PDE3A: variants seen among roughly 807,000 people sequenced by gnomAD.
PDE3A encodes the protein phosphodiesterase 3A, also known as cGMP-inhibited 3',5'-cyclic phosphodiesterase 3A.
Under a neutral mutation model 98.3 loss-of-function variants are expected in PDE3A, and 43 were observed. The ratio of observed to expected loss-of-function variants is 0.44; its 90% CI spans 0.34 to 0.56. The LOEUF is 0.56. PDE3A is among the 20% of genes least tolerant of loss of function. PDE3A has a pLI of 0.01. For synonymous variants in PDE3A, 663 were observed against 567.9 expected (o/e 1.17, Z -2.38); for missense variants, 1,427 against 1,440.7 (o/e 0.99, Z 0.15).
At chr12:20,429,992 C>G (rs1253369570) in intron 1 of PDE3A, among the ~76,000 whole-genome samples, 1 of 152,050 alleles carries the variant, frequency 6.6e-6, no homozygotes, top group Non-Finnish European at 1.5e-5. Context: ...TGTATGTTTT[C>G]AAAATAACCT....
intron 1 of PDE3A, among the ~76,000 whole-genome samples, chr12:20,554,729 G>A (rs1451885123): frequency 6.6e-6 from 1 of 151,828 alleles, no homozygotes; most frequent in African/African-American, 2.4e-5. Flanking sequence ...TGGGATTATA[G>A]GCGTGCCCCA....
chr12:20,668,319 A>T (rs868027044), intron 15 of PDE3A, among the ~76,000 whole-genome samples: 4 of 150,720 alleles, frequency 2.7e-5, no homozygotes, highest in African/African-American at 2.4e-5. Flanking sequence ...CAAAGCAGCC[A>T]GGAAGCTCGA....
intron 1 of PDE3A, among the ~76,000 whole-genome samples, chr12:20,434,574 A>G (rs1944750121): frequency 1.3e-5 from 2 of 152,170 alleles, no homozygotes; most frequent in African/African-American, 4.8e-5. Context: ...GAGAGGGAGT[A>G]TAGTGTAGTG....
In PDE3A at chr12:20,680,205, G is replaced by A. The variant is rs1945741397; in HGVS notation, c.3360G>A (p.Lys1120=). The change falls in exon 16 of 16, where the codon AAG becomes AAA. Residue 1120 remains lysine, a synonymous_variant. Transcript: ENST00000359062. ...CTTCAGAACAGATCCAGGCTATCAA[G>A]GAAGAAGAAGAAGAGAAAGGGAAAC... ...SHSSEQIQAI[K]EEEEEKGKPR... 6.2e-7 allele frequency: 1 copy of A among 1,613,572 alleles called. No individual in the cohort carries two copies. The highest frequency in any genetic ancestry group is 8.5e-7 in the Non-Finnish European group (1 of 1,179,680).
At chr12:20,447,674 A>T (rs1944980230) in intron 1 of PDE3A, among the ~76,000 whole-genome samples, 1 of 152,222 alleles carries the variant, frequency 6.6e-6, no homozygotes, top group African/African-American at 2.4e-5. Flanking sequence ...CTGGCTGTTC[A>T]TTCATATGCT....
At chr12:20,548,963 C>A (rs1266729859) in intron 1 of PDE3A, among the ~76,000 whole-genome samples, 1 of 151,774 alleles carries the variant, frequency 6.6e-6, no homozygotes, top group African/African-American at 2.4e-5. Context: ...TTGTGAATAA[C>A]CATTTTTTTT....
intron 1 of PDE3A, among the ~76,000 whole-genome samples, chr12:20,433,875 T>C (rs928792680): frequency 3.3e-5 from 5 of 152,020 alleles, no homozygotes; most frequent in African/African-American, 7.3e-5. Context: ...CATGTGTAGA[T>C]AGAATTCCTA....
At chr12:20,641,679 G>T (rs1175623844) in intron 10 of PDE3A, among the ~76,000 whole-genome samples, 7 of 152,146 alleles carry the variant, frequency 4.6e-5, no homozygotes, top group Admixed American at 6.6e-5. Context: ...ATAGTTGAAA[G>T]ATGGCAAATG....
At chr12:20,576,139 A>T (rs1942927641) in intron 2 of PDE3A, among the ~76,000 whole-genome samples, 2 of 152,052 alleles carry the variant, frequency 1.3e-5, no homozygotes, top group Admixed American at 6.6e-5. Flanking sequence ...CCTTTGAGTT[A>T]AAAATAATCC....
chr12:20,479,713 T>A (rs1374825567), intron 1 of PDE3A, among the ~76,000 whole-genome samples: 1 of 152,208 alleles, frequency 6.6e-6, no homozygotes, highest in Admixed American at 6.5e-5. Context: ...GATATTACAC[T>A]GAGGACACTT....
At chr12:20,505,605 G>A (rs1179724989) in intron 1 of PDE3A, among the ~76,000 whole-genome samples, 1 of 152,064 alleles carries the variant, frequency 6.6e-6, no homozygotes, top group Non-Finnish European at 1.5e-5. Flanking sequence ...TGCCTCAAAT[G>A]TTAAGCTTTC....
chr12:20,371,464 T>C, intron 1 of PDE3A: 2 of 981,380 alleles, frequency 2.0e-6, no homozygotes, highest in Non-Finnish European at 2.4e-6. Context: ...CAAGAGAATA[T>C]CCTAAGATAA....
chr12:20,421,280 G>A (rs142431180), intron 1 of PDE3A, among the ~76,000 whole-genome samples: 41 of 151,954 alleles, frequency 2.7e-4, no homozygotes, highest in East Asian at 9.7e-4. Context: ...ATTTGCCATC[G>A]TATAAATAAA....
At chr12:20,449,415 AT>A (rs1370255721) in intron 1 of PDE3A, among the ~76,000 whole-genome samples, 7 of 152,066 alleles carry the variant, frequency 4.6e-5, no homozygotes, top group African/African-American at 1.7e-4. Context: ...ATTGTCATTT[AT>A]TTTTTATTTT....
chr12:20,541,523 A>G (rs891571684), intron 1 of PDE3A, among the ~76,000 whole-genome samples: 2 of 152,100 alleles, frequency 1.3e-5, no homozygotes, highest in Admixed American at 6.6e-5. Context: ...ATAGAGACAG[A>G]GAAGTACCTG....
chr12:20,614,005 G>T (rs1049401952), intron 3 of PDE3A, among the ~76,000 whole-genome samples: 4 of 152,030 alleles, frequency 2.6e-5, no homozygotes, highest in African/African-American at 9.7e-5. Flanking sequence ...TAAGGATATT[G>T]CAACAACAAC....
intron 15 of PDE3A, among the ~76,000 whole-genome samples, chr12:20,669,577 G>A (rs564579129): frequency 0.011 from 1,710 of 152,016 alleles, 38 homozygotes; most frequent in African/African-American, 0.04. Flanking sequence ...TTCCAACCCA[G>A]AATTTCATAT....
chr12:20,596,401 C>T (rs1943466855), intron 2 of PDE3A, among the ~76,000 whole-genome samples: 1 of 152,104 alleles, frequency 6.6e-6, no homozygotes, highest in Non-Finnish European at 1.5e-5. Flanking sequence ...ACCATGTCTG[C>T]TGATCCTAGG....
intron 1 of PDE3A, among the ~76,000 whole-genome samples, chr12:20,431,613 A>G (rs74682839): frequency 9.9e-5 from 15 of 150,804 alleles, no homozygotes; most frequent in African/African-American, 3.4e-4. Context: ...ACACACACAC[A>G]CACACACACG....
Sources: gnomAD v4.1 joint callset for allele counts (sites outside exome capture counted in the v4.1 genomes callset) on GRCh38, gnomAD v4.1.1 for gene constraint, MANE v1.5 for transcripts, NCBI Gene and HGNC (gene_info 2026-07-23, HGNC 2026-07-21) for gene names.